Variants in ERO1A observed in about 807,000 individuals in gnomAD.
The protein encoded by ERO1A is endoplasmic reticulum oxidoreductase 1 alpha, also known as ERO1-like protein alpha.
In ERO1A, 49 loss-of-function variants were observed where a neutral mutation model predicts 76.9. That is an observed-to-expected ratio of 0.64 (90% CI 0.51 to 0.81). The LOEUF (loss-of-function observed/expected upper bound fraction) is 0.81, where lower values mean the gene tolerates loss of function less well. Among genes scored for constraint, ERO1A ranks in the 30% least tolerant of loss-of-function variants. The probability of loss-of-function intolerance (pLI) is 0.00; values close to 1 mark genes in which losing one functional copy is unlikely to be tolerated. For missense variants in ERO1A, 448 were observed against 542.1 expected (o/e 0.83, Z 1.72); for synonymous variants, 174 against 181.2 (o/e 0.96, Z 0.32).
At chr14:52,683,704 A>G in intron 2 of ERO1A, 84 bp downstream of exon 2, 1 of 612,842 alleles carries the variant, frequency 1.6e-6, no homozygotes, top group Admixed American at 3.9e-5. Context: ...AATAACAACT[A>G]CAATTTTGAA....
intron 1 of ERO1A, among the ~76,000 whole-genome samples, chr14:52,693,487 T>C (rs2041427657): frequency 6.6e-6 from 1 of 152,144 alleles, no homozygotes; most frequent in Non-Finnish European, 1.5e-5. Flanking sequence ...AATTAATACT[T>C]AATAAACTCC....
At chr14:52,689,498 C>T (rs778027629) in intron 1 of ERO1A, among the ~76,000 whole-genome samples, 2 of 151,346 alleles carry the variant, frequency 1.3e-5, no homozygotes, top group Non-Finnish European at 2.9e-5. Flanking sequence ...TAACAATGAA[C>T]TATCCAAAAA....
At chr14:52,657,440 T>C (rs1260517111) in intron 11 of ERO1A, among the ~76,000 whole-genome samples, 1 of 152,210 alleles carries the variant, frequency 6.6e-6, no homozygotes, top group African/African-American at 2.4e-5. Flanking sequence ...ATATTTTGTT[T>C]CTCAGAGTGT....
chr14:52,649,245 A>G (rs1327788274), intron 13 of ERO1A, among the ~76,000 whole-genome samples: 7 of 152,212 alleles, frequency 4.6e-5, no homozygotes, highest in Admixed American at 4.6e-4. Context: ...CAAATACTTT[A>G]CAAGTCTTCA....
intron 1 of ERO1A, among the ~76,000 whole-genome samples, chr14:52,694,957 C>A (rs1274401035): frequency 1.3e-5 from 2 of 152,120 alleles, no homozygotes; most frequent in African/African-American, 4.8e-5. Flanking sequence ...GAAAGGCTGG[C>A]GAAATGCACG....
intron 1 of ERO1A, among the ~76,000 whole-genome samples, chr14:52,694,495 T>G (rs2041476688): frequency 6.6e-6 from 1 of 152,208 alleles, no homozygotes; most frequent in African/African-American, 2.4e-5. Flanking sequence ...AATAAATTAA[T>G]AGCAAAATCC....
intron 13 of ERO1A, among the ~76,000 whole-genome samples, chr14:52,650,440 T>C (rs2039817405): frequency 6.6e-6 from 1 of 151,646 alleles, no homozygotes. Flanking sequence ...TTTACTATTT[T>C]TCTATGACCA....
chr14:52,653,967 AGT>A (rs2039961179), intron 11 of ERO1A, among the ~76,000 whole-genome samples: 1 of 152,130 alleles, frequency 6.6e-6, no homozygotes, highest in African/African-American at 2.4e-5. Context: ...TTATAGAGTA[AGT>A]GTGTTTGGGT....
chr14:52,652,062 G>A (rs376488577), intron 13 of ERO1A, among the ~76,000 whole-genome samples, 177 bp downstream of exon 13: 4 of 150,386 alleles, frequency 2.7e-5, no homozygotes, highest in East Asian at 3.9e-4. Context: ...GAACTCCAGG[G>A]CTCAAGCAAT....
chr14:52,658,424 G>A (rs1012576150), intron 9 of ERO1A: 1 of 297,016 alleles, frequency 3.4e-6, no homozygotes, highest in East Asian at 7.0e-5. Context: ...TTTTACAGGA[G>A]GTCAAAATAC....
In ERO1A at chr14:52,654,274, T is replaced by C. The variant is rs540262631; in HGVS notation, c.809-959A>G. Among the ~76,000 whole-genome samples, 21 of 152,254 alleles carry C rather than the reference T, an allele frequency of 1.4e-4. No individual in the cohort carries two copies. The South Asian group carries it at 1.7e-3, about 12-fold the overall frequency. On this transcript the variant is annotated intron_variant, in intron 11 of 15. Coordinates refer to ENST00000395686, the MANE Select transcript of ERO1A (RefSeq NM_014584.3). ...TATGAGGTATTATGTGAGCTGGTCA[T>C]GACTAATAAGAATGATTTTTATAAA...
chr14:52,685,340 A>G (rs2041144687), intron 1 of ERO1A, among the ~76,000 whole-genome samples: 1 of 152,182 alleles, frequency 6.6e-6, no homozygotes, highest in African/African-American at 2.4e-5. Context: ...TGTAATAACT[A>G]TTTTCATTTC....
chr14:52,651,459 G>T (rs2039864495), intron 13 of ERO1A, among the ~76,000 whole-genome samples: 1 of 121,824 alleles, frequency 8.2e-6, no homozygotes, highest in African/African-American at 2.9e-5. Flanking sequence ...TATTATATGA[G>T]ATCATCAATG....
intron 3 of ERO1A, among the ~76,000 whole-genome samples, chr14:52,681,799 C>T (rs535847536): frequency 7.9e-5 from 12 of 151,266 alleles, no homozygotes; most frequent in Admixed American, 4.6e-4. Context: ...AAAAACACAC[C>T]CGAAAAAAGA....
At chr14:52,692,513 C>T (rs1395241857) in intron 1 of ERO1A, among the ~76,000 whole-genome samples, 1 of 152,194 alleles carries the variant, frequency 6.6e-6, no homozygotes, top group Non-Finnish European at 1.5e-5. Flanking sequence ...GACTGTGCAG[C>T]TCACTGGATA....
rs568557059 is a variant in ERO1A at position 52,665,242 on chromosome 14, C to T, written c.629+1133G>A. Among the ~76,000 whole-genome samples the T allele has an allele frequency of 2.8e-3, 380 of 137,078 alleles. 2 individuals carry two copies. Among genetic ancestry groups the T allele is most frequent in the African/African-American group, 9.8e-3 (364 of 37,028 alleles). The allele number at this position is 137,078 out of a possible 152,430, so 89.9% of individuals were successfully genotyped here. A position where few individuals can be genotyped will look rare whatever the true frequency, so the allele number is the denominator to read the frequency against. ...GCTTGAACCTGGGAGGCAGAGGTTG[C>T]GGTAAGCAGAGATGACGTCACTGCA... On this transcript the variant is annotated intron_variant, in intron 7 of 15. Transcript: ENST00000395686.
In ERO1A at chr14:52,695,510, C is replaced by T; in HGVS notation, c.-29G>A. ...AGCTCCGGCAGCTTGTCGCCCCACG[C>T]TTGGGAGGCCAGTCCGCACGCTCGG... On this transcript the variant is annotated 5_prime_UTR_variant, in exon 1 of 16. Coordinates refer to ENST00000395686, the MANE Select transcript of ERO1A (RefSeq NM_014584.3). 1 of 1,442,070 alleles carries T rather than the reference C, an allele frequency of 6.9e-7. No homozygotes were observed. The highest frequency in any genetic ancestry group is 1.3e-5 in the South Asian group (1 of 74,362). The allele number at this position is 1,442,070 out of a possible 1,614,324, so 89.3% of individuals were successfully genotyped here. A position where few individuals can be genotyped will look rare whatever the true frequency, so the allele number is the denominator to read the frequency against.
intron 1 of ERO1A, 72 bp downstream of exon 1, chr14:52,695,296 G>T: frequency 9.4e-7 from 1 of 1,059,820 alleles, no homozygotes; most frequent in Non-Finnish European, 1.2e-6. Flanking sequence ...CCGCTCACCC[G>T]CCAGGGCGTG....
chr14:52,666,310 A>T (rs1454184578), intron 7 of ERO1A, 65 bp downstream of exon 7: 10 of 1,162,458 alleles, frequency 8.6e-6, no homozygotes, highest in East Asian at 7.2e-5. Context: ...AATCATTATG[A>T]TTTTGTTTAT....
Sources: gnomAD v4.1 joint callset for allele counts (sites outside exome capture counted in the v4.1 genomes callset) on GRCh38, gnomAD v4.1.1 for gene constraint, MANE v1.5 for transcripts, NCBI Gene and HGNC (gene_info 2026-07-23, HGNC 2026-07-21) for gene names.